SLC6A11: variants seen among roughly 807,000 people sequenced by gnomAD.
The protein encoded by SLC6A11 is sodium- and chloride-dependent GABA transporter 3.
In SLC6A11, 25 loss-of-function variants were observed where a neutral mutation model predicts 74.8. That is an observed-to-expected ratio of 0.33 (90% CI 0.24 to 0.47). The LOEUF (loss-of-function observed/expected upper bound fraction) is 0.47, where lower values mean the gene tolerates loss of function less well. SLC6A11 is among the 20% of genes least tolerant of loss of function. SLC6A11 has a pLI of 1.00. For missense variants in SLC6A11, 574 were observed against 837.0 expected (o/e 0.69, Z 3.88); for synonymous variants, 330 against 330.2 (o/e 1.00, Z 0.01).
chr3:10,834,936 G>A (rs1334663645), intron 4 of SLC6A11, among the ~76,000 whole-genome samples: 1 of 152,164 alleles, frequency 6.6e-6, no homozygotes, highest in Admixed American at 6.5e-5. Context: ...TTAGAGCTGA[G>A]GTGGATGAAA....
At chr3:10,857,182 CG>C (rs1158887487) in intron 5 of SLC6A11, among the ~76,000 whole-genome samples, 4 of 152,030 alleles carry the variant, frequency 2.6e-5, no homozygotes, top group African/African-American at 9.7e-5. Context: ...TATAGTGGCC[CG>C]GGGTGGTCTG....
chr3:10,850,721 C>T (rs1260345931), intron 5 of SLC6A11, among the ~76,000 whole-genome samples: 1 of 152,036 alleles, frequency 6.6e-6, no homozygotes, highest in Non-Finnish European at 1.5e-5. Flanking sequence ...GGGGGTCAGG[C>T]GTCATCGAAT....
Position 10,926,197 on chromosome 3 carries a change from C to T in SLC6A11, c.1233+81C>T. 1 of 865,032 alleles carries T rather than the reference C, an allele frequency of 1.2e-6. No homozygotes were observed. The highest frequency in any genetic ancestry group is 1.8e-6 in the Non-Finnish European group (1 of 544,166). 53.6% of individuals were successfully genotyped at this position (865,032 alleles called of 1,614,324 possible). Reference sequence around the variant, plus strand: ...CCAGACGCCACCCTTAGGAGTGGCTCCCCAGGCCCAGCCACTCCCACCTGG... The same window carrying T: ...CCAGACGCCACCCTTAGGAGTGGCTTCCCAGGCCCAGCCACTCCCACCTGG... On this transcript the variant is annotated intron_variant, in intron 9 of 13. Transcript: ENST00000254488. The surrounding 1 kb of genome is among the most constrained non-coding windows in gnomAD (Gnocchi z 5.7).
intron 6 of SLC6A11, among the ~76,000 whole-genome samples, chr3:10,900,589 G>T: frequency 6.6e-6 from 1 of 152,198 alleles, no homozygotes; most frequent in Non-Finnish European, 1.5e-5. Context: ...TCTATTGCTT[G>T]AAGTTTAGCT....
intron 4 of SLC6A11, among the ~76,000 whole-genome samples, chr3:10,834,696 G>C (rs550064526): frequency 6.6e-6 from 1 of 152,176 alleles, no homozygotes; most frequent in Non-Finnish European, 1.5e-5. Flanking sequence ...CATGCAGGAT[G>C]GGGGAGAAGC....
chr3:10,909,488 G>A (rs1051867856), intron 6 of SLC6A11, among the ~76,000 whole-genome samples: 1 of 152,194 alleles, frequency 6.6e-6, no homozygotes, highest in African/African-American at 2.4e-5. Flanking sequence ...CACCATGTTA[G>A]GGGGAGGGTC....
At position 10,816,317 on chromosome 3, in the gene SLC6A11, G is replaced by T; in HGVS notation, c.52G>T (p.Ala18Ser). The T allele has an allele frequency of 7.1e-7, 1 of 1,410,752 alleles. No individual in the cohort carries two copies. Among genetic ancestry groups the T allele is most frequent in the Non-Finnish European group, 9.2e-7 (1 of 1,085,370 alleles). The allele number at this position is 1,410,752 out of a possible 1,614,324, so 87.4% of individuals were successfully genotyped here. Reference sequence around the variant, plus strand: ...GGGCAATGGGAAGGCTGCTGAGGAGGCGCGGGAGTCCGAGGCGCCGGGTGG... The same window carrying T: ...GGGCAATGGGAAGGCTGCTGAGGAGTCGCGGGAGTCCGAGGCGCCGGGTGG... Reference protein sequence around the residue: ...PLGNGKAAEEARESEAPGGGC... With the variant: ...PLGNGKAAEESRESEAPGGGC... Residue 18 changes from alanine (A) to serine (S), a missense_variant, in exon 1 of 14, where the codon GCG becomes TCG. By Grantham distance (99) the Ala-to-Ser change is moderately conservative. Coordinates refer to ENST00000254488, the MANE Select transcript of SLC6A11 (RefSeq NM_014229.3). This position sits in a 1 kb window ranked among gnomAD's most constrained non-coding sequence, Gnocchi z 4.2.
chr3:10,896,583 T>G (rs377316079), intron 6 of SLC6A11, among the ~76,000 whole-genome samples: 35 of 152,356 alleles, frequency 2.3e-4, no homozygotes, highest in Middle Eastern at 6.8e-3. Flanking sequence ...CGTGGAAAAC[T>G]TCTACCTTAC....
intron 6 of SLC6A11, among the ~76,000 whole-genome samples, chr3:10,875,437 A>G (rs1458295152): frequency 6.6e-6 from 1 of 152,246 alleles, no homozygotes; most frequent in Non-Finnish European, 1.5e-5. Context: ...TAGCTACACC[A>G]TGATATGAAA....
At position 10,923,279 on chromosome 3, in the gene SLC6A11, G is replaced by A. The variant is rs115013037; in HGVS notation, c.1121-2725G>A. 5.8e-3 allele frequency among the ~76,000 whole-genome samples: 883 copies of A among 151,266 alleles called. 14 individuals carry two copies. The highest frequency in any genetic ancestry group is 0.02 in the African/African-American group (829 of 41,316). On this transcript the variant is annotated intron_variant, in intron 8 of 13. Transcript: ENST00000254488. The stretch of plus-strand genomic sequence containing the variant: ...AAAAAAAAAAACACAGGGCTCCTTG[G>A]CAAAACAGTTGATTTCCGGGCTAGG...
At position 10,911,025 on chromosome 3, in the gene SLC6A11, T is replaced by G. The variant is rs372817600; in HGVS notation, c.892-1065T>G. On this transcript the variant is annotated intron_variant, in intron 6 of 13. Coordinates refer to ENST00000254488, the MANE Select transcript of SLC6A11 (RefSeq NM_014229.3). ...TTAGTACAGACAGGGTTTCGCCATG[T>G]TGGCCAGGCTGCTCTCACCCCCTCC... 7.3e-4 allele frequency among the ~76,000 whole-genome samples: 111 copies of G among 152,224 alleles called. No homozygotes were observed. The East Asian group carries it at 0.015, about 21-fold the overall frequency.
chr3:10,867,138 G>A (rs1418057994), intron 5 of SLC6A11, among the ~76,000 whole-genome samples: 2 of 152,212 alleles, frequency 1.3e-5, no homozygotes, highest in African/African-American at 4.8e-5. Flanking sequence ...GGATGCAGGG[G>A]AGAGGCGGGA....
At chr3:10,885,885 C>T (rs2106612219) in intron 6 of SLC6A11, among the ~76,000 whole-genome samples, 1 of 152,332 alleles carries the variant, frequency 6.6e-6, no homozygotes, top group South Asian at 2.1e-4. Flanking sequence ...ACCTAGCCAG[C>T]CCAGCCTCAC....
chr3:10,851,402 GAA>G (rs35692912), intron 5 of SLC6A11, among the ~76,000 whole-genome samples: 15 of 142,294 alleles, frequency 1.1e-4, no homozygotes, highest in Middle Eastern at 3.6e-3. Flanking sequence ...CCGAGGCAAG[GAA>G]AAAAAAAAAA....
At chr3:10,903,208 G>A (rs1200416809) in intron 6 of SLC6A11, among the ~76,000 whole-genome samples, 1 of 152,206 alleles carries the variant, frequency 6.6e-6, no homozygotes, top group Non-Finnish European at 1.5e-5. Flanking sequence ...AGCTGATGCT[G>A]GCTTTGGTGA....
chr3:10,854,236 A>C (rs113827089), intron 5 of SLC6A11, among the ~76,000 whole-genome samples: 6,062 of 152,102 alleles, frequency 0.04, 172 homozygotes, highest in Middle Eastern at 0.078. Flanking sequence ...AAAAATACAA[A>C]AAATTAGCCA....
chr3:10,820,777 C>T (rs2106569846), intron 3 of SLC6A11, among the ~76,000 whole-genome samples: 1 of 152,284 alleles, frequency 6.6e-6, no homozygotes, highest in East Asian at 1.9e-4. Flanking sequence ...TAGTCTTGGC[C>T]TTAGAACCCT....
chr3:10,936,788 G>A (rs941747604), intron 13 of SLC6A11, among the ~76,000 whole-genome samples: 8 of 152,196 alleles, frequency 5.3e-5, no homozygotes, highest in African/African-American at 1.9e-4. Context: ...GCCTTTTGGT[G>A]TTCAGAAATG....
Position 10,925,432 on chromosome 3 carries a change from A to G in SLC6A11, c.1121-572A>G, listed in dbSNP as rs190983260. 2.3e-3 allele frequency among the ~76,000 whole-genome samples: 356 copies of G among 152,346 alleles called. 1 individual carries two copies. Among genetic ancestry groups the G allele is most frequent in the South Asian group, 0.012 (58 of 4,826 alleles). On this transcript the variant is annotated intron_variant, in intron 8 of 13. Coordinates refer to ENST00000254488, the MANE Select transcript of SLC6A11 (RefSeq NM_014229.3). ...GTGCCACAGGGCTAGCCTCTCAGGT[A>G]TCTGTCTGCTGACATTGATAAAGTT...
Sources: allele counts gnomAD v4.1 joint callset (sites outside exome capture counted in the v4.1 genomes callset), GRCh38; gene constraint gnomAD v4.1.1; non-coding constraint Gnocchi (gnomAD v3.1); transcripts MANE v1.5; gene names NCBI Gene and HGNC (gene_info 2026-07-23, HGNC 2026-07-21).